Variants in NELL1 observed in about 807,000 individuals in gnomAD.
NELL1 encodes protein kinase C-binding protein NELL1.
A neutral mutation model predicts 107.4 loss-of-function variants in NELL1; 76 were observed. That is an observed-to-expected ratio of 0.71 (90% CI 0.59 to 0.86). The LOEUF is 0.86. Ranked by LOEUF, NELL1 falls within the 40% of genes least tolerant of loss-of-function variation. The pLI, the probability that NELL1 is intolerant of heterozygous loss-of-function variation, is 0.00. For missense variants in NELL1, 1,024 were observed against 1,005.5 expected (o/e 1.02, Z -0.25); for synonymous variants, 353 against 341.2 (o/e 1.03, Z -0.38).
intron 9 of NELL1, among the ~76,000 whole-genome samples, chr11:20,934,922 G>A (rs566698172): frequency 6.6e-6 from 1 of 152,170 alleles, no homozygotes; most frequent in East Asian, 1.9e-4. Flanking sequence ...AGGGAGGAAA[G>A]GACCTATCCA....
chr11:21,467,608 CA>C (rs2133881409), intron 15 of NELL1, among the ~76,000 whole-genome samples: 1 of 152,090 alleles, frequency 6.6e-6, no homozygotes, highest in East Asian at 1.9e-4. Context: ...CAGCCTTTTA[CA>C]TACTGAGTAT....
At chr11:21,318,560 C>G (rs1237113716) in intron 14 of NELL1, among the ~76,000 whole-genome samples, 1 of 151,998 alleles carries the variant, frequency 6.6e-6, no homozygotes, top group Non-Finnish European at 1.5e-5. Flanking sequence ...CAGGAAGGAC[C>G]TCACCCTCAT....
At chr11:20,898,062 A>G (rs1244020084) in intron 5 of NELL1, among the ~76,000 whole-genome samples, 1 of 152,204 alleles carries the variant, frequency 6.6e-6, no homozygotes, top group Non-Finnish European at 1.5e-5. Context: ...CAGCCATCCC[A>G]TTACTGGGTA....
At chr11:21,450,100 G>T (rs147178493) in intron 15 of NELL1, among the ~76,000 whole-genome samples, 1 of 152,152 alleles carries the variant, frequency 6.6e-6, no homozygotes, top group African/African-American at 2.4e-5. Flanking sequence ...TAATGATGCA[G>T]CTTTAGGTTA....
At chr11:20,947,861 A>T (rs1190002969) in intron 11 of NELL1, among the ~76,000 whole-genome samples, 2 of 152,106 alleles carry the variant, frequency 1.3e-5, no homozygotes, top group East Asian at 1.9e-4. Context: ...GTAGAGAATG[A>T]TGTATGGTGA....
intron 12 of NELL1, among the ~76,000 whole-genome samples, chr11:21,079,744 A>T (rs147190085): frequency 2.0e-5 from 3 of 152,114 alleles, no homozygotes; most frequent in Admixed American, 6.6e-5. Flanking sequence ...AAATAAATTC[A>T]TATCTTTGCA....
At chr11:21,144,212 G>A (rs771097679) in intron 13 of NELL1, among the ~76,000 whole-genome samples, 22 of 152,208 alleles carry the variant, frequency 1.4e-4, no homozygotes, top group Non-Finnish European at 2.4e-4. Context: ...ATTGTCTGCA[G>A]GAAGCCTCAG....
chr11:20,735,333 G>A (rs895935172), intron 2 of NELL1, among the ~76,000 whole-genome samples: 4 of 152,126 alleles, frequency 2.6e-5, no homozygotes, highest in Non-Finnish European at 5.9e-5. Flanking sequence ...ATTGACTCAC[G>A]TTTTTGCATG....
At chr11:21,299,932 T>C (rs537961608) in intron 14 of NELL1, among the ~76,000 whole-genome samples, 269 of 152,150 alleles carry the variant, frequency 1.8e-3, no homozygotes, top group Non-Finnish European at 3.4e-3. Flanking sequence ...AGGCCATAAT[T>C]GGTGAACCTC....
At chr11:20,743,872 A>C (rs1316191214) in intron 2 of NELL1, among the ~76,000 whole-genome samples, 1 of 152,180 alleles carries the variant, frequency 6.6e-6, no homozygotes, top group Non-Finnish European at 1.5e-5. Flanking sequence ...ATGGTATGCC[A>C]AAACTATCCA....
At chr11:20,809,203 C>T (rs1158235575) in intron 3 of NELL1, among the ~76,000 whole-genome samples, 2 of 152,076 alleles carry the variant, frequency 1.3e-5, no homozygotes, top group Non-Finnish European at 2.9e-5. Context: ...GATATTCTAA[C>T]TGAATCAACA....
chr11:20,865,751 T>G (rs1849084133), intron 4 of NELL1, among the ~76,000 whole-genome samples: 1 of 152,164 alleles, frequency 6.6e-6, no homozygotes, highest in Admixed American at 6.5e-5. Context: ...TTTCCCATCT[T>G]CTTTTTACAC....
chr11:21,351,999 T>G (rs908035631), intron 14 of NELL1, among the ~76,000 whole-genome samples: 2 of 152,156 alleles, frequency 1.3e-5, no homozygotes, highest in Non-Finnish European at 2.9e-5. Flanking sequence ...AGCCTCTGAC[T>G]CACTTGGCCT....
At chr11:21,135,425 G>A (rs1269360807) in intron 13 of NELL1, among the ~76,000 whole-genome samples, 2 of 152,122 alleles carry the variant, frequency 1.3e-5, no homozygotes, top group African/African-American at 4.8e-5. Context: ...GATTCAGGAG[G>A]CGTTTTGTTT....
chr11:21,341,167 G>A (rs1271767774), intron 14 of NELL1, among the ~76,000 whole-genome samples: 7 of 152,086 alleles, frequency 4.6e-5, no homozygotes, highest in African/African-American at 1.4e-4. Context: ...TCTTGAAAAC[G>A]CCTACAGTGT....
chr11:21,155,834 T>C (rs1389158425), intron 13 of NELL1, among the ~76,000 whole-genome samples: 3 of 150,992 alleles, frequency 2.0e-5, no homozygotes, highest in Non-Finnish European at 3.0e-5. Flanking sequence ...GGAGGAGAGG[T>C]TGTGACTGAT....
chr11:20,762,890 C>T (rs1243797428), intron 2 of NELL1, among the ~76,000 whole-genome samples: 1 of 152,050 alleles, frequency 6.6e-6, no homozygotes, highest in South Asian at 2.1e-4. Flanking sequence ...TATACCTGCA[C>T]CTACAGATGT....
At chr11:21,021,048 C>G (rs1042201044) in intron 12 of NELL1, among the ~76,000 whole-genome samples, 136 of 151,582 alleles carry the variant, frequency 9.0e-4, no homozygotes, top group African/African-American at 3.0e-3. Flanking sequence ...CACACACACA[C>G]AGAGTTAAAA....
chr11:20,764,030 C>T (rs1254283227), intron 2 of NELL1, among the ~76,000 whole-genome samples: 1 of 152,142 alleles, frequency 6.6e-6, no homozygotes, highest in Non-Finnish European at 1.5e-5. Flanking sequence ...TGCACTGTTG[C>T]CTGTGGGAAT....
Sources: allele counts gnomAD v4.1 joint callset (sites outside exome capture counted in the v4.1 genomes callset), GRCh38; gene constraint gnomAD v4.1.1; transcripts MANE v1.5; gene names NCBI Gene and HGNC (gene_info 2026-07-23, HGNC 2026-07-21).